RELN: variants seen among roughly 807,000 people sequenced by gnomAD.
RELN encodes the protein reelin.
A neutral mutation model predicts 427.6 loss-of-function variants in RELN; 108 were observed. That is an observed-to-expected ratio of 0.25 (90% confidence interval 0.22 to 0.30). The LOEUF (loss-of-function observed/expected upper bound fraction) is 0.30. RELN is among the 10% of genes least tolerant of loss of function. The pLI is 1.00. For missense variants in RELN, 3,715 were observed against 4,302.8 expected (o/e 0.86, Z 3.82); for synonymous variants, 1,524 against 1,513.4 (o/e 1.01, Z -0.16).
intron 1 of RELN, among the ~76,000 whole-genome samples, chr7:103,956,831 C>T (rs1262141160): frequency 1.3e-5 from 2 of 152,134 alleles, no homozygotes; most frequent in Admixed American, 1.3e-4. Flanking sequence ...TAAAAGAGAA[C>T]TGTCCTGGCA....
chr7:103,877,600 T>C (rs1794509412), intron 2 of RELN, among the ~76,000 whole-genome samples: 1 of 152,144 alleles, frequency 6.6e-6, no homozygotes, highest in African/African-American at 2.4e-5. Context: ...ATTCTCCAGA[T>C]TTTTCTAAAG....
chr7:103,888,032 C>G (rs565800346), intron 2 of RELN, among the ~76,000 whole-genome samples: 1 of 152,120 alleles, frequency 6.6e-6, no homozygotes, highest in African/African-American at 2.4e-5. Flanking sequence ...AGTAACTAGA[C>G]TCAGACTGCC....
chr7:103,486,383 G>A lies in RELN; in HGVS notation c.9797C>T (p.Pro3266Leu). 6.2e-7 allele frequency: 1 copy of A among 1,614,078 alleles called. No homozygotes were observed. The change falls in exon 61 of 65, where the codon CCC becomes CTC. Residue 3266 changes from proline (P) to leucine (L), a missense_variant. Pro to Leu is a moderately conservative substitution (Grantham distance 98). Coordinates refer to ENST00000428762, the MANE Select transcript of RELN (RefSeq NM_005045.4). ...DDCSVFSHDLPSYIKDNFESA... is the reference protein window; with the variant it reads ...DDCSVFSHDLLSYIKDNFESA... ...CTCAAAATTATCTTTAATATAACTG[G>A]GAAGGTCGTGACTGAAAACAGAGCA...
At chr7:103,972,045 C>T (rs1226028073) in intron 1 of RELN, among the ~76,000 whole-genome samples, 1 of 151,930 alleles carries the variant, frequency 6.6e-6, no homozygotes, top group African/African-American at 2.4e-5. Flanking sequence ...TGTACTCCAG[C>T]CTGGGCGACA....
intron 2 of RELN, among the ~76,000 whole-genome samples, chr7:103,862,478 T>G (rs1265283420): frequency 6.6e-6 from 1 of 150,786 alleles, no homozygotes; most frequent in Non-Finnish European, 1.5e-5. Flanking sequence ...TTCTCAATCT[T>G]TCTCCCTCTC....
chr7:103,649,508 A>G (rs1832867826), intron 16 of RELN, among the ~76,000 whole-genome samples: 1 of 152,028 alleles, frequency 6.6e-6, no homozygotes, highest in Non-Finnish European at 1.5e-5. Context: ...CTAAAAGTCC[A>G]GACTTCACCA....
intron 17 of RELN, among the ~76,000 whole-genome samples, chr7:103,639,499 A>G (rs1832654018): frequency 6.7e-6 from 1 of 149,862 alleles, no homozygotes; most frequent in Non-Finnish European, 1.5e-5. Flanking sequence ...TCCCGGGTTC[A>G]GGTGATTCTC....
intron 3 of RELN, among the ~76,000 whole-genome samples, chr7:103,777,280 G>T (rs1391647927): frequency 6.6e-6 from 1 of 152,082 alleles, no homozygotes; most frequent in African/African-American, 2.4e-5. Flanking sequence ...AATAAAAAAA[G>T]TCTTATTAAA....
chr7:103,618,744 G>T (rs974430595), intron 20 of RELN, among the ~76,000 whole-genome samples: 1 of 152,084 alleles, frequency 6.6e-6, no homozygotes, highest in South Asian at 2.1e-4. Flanking sequence ...TCAATTCAGG[G>T]CTAGAATCTT....
At chr7:103,629,417 G>A (rs974558700) in intron 20 of RELN, among the ~76,000 whole-genome samples, 14 of 152,172 alleles carry the variant, frequency 9.2e-5, no homozygotes, top group Non-Finnish European at 1.6e-4. Flanking sequence ...GTCCAATAGT[G>A]TTTGATAACA....
intron 7 of RELN, among the ~76,000 whole-genome samples, chr7:103,726,479 T>C (rs1319384720): frequency 1.3e-5 from 2 of 152,248 alleles, no homozygotes; most frequent in East Asian, 3.9e-4. Flanking sequence ...ACATTAATTA[T>C]AAAACACAAT....
At chr7:103,831,460 A>G (rs1387527015) in intron 3 of RELN, among the ~76,000 whole-genome samples, 2 of 151,022 alleles carry the variant, frequency 1.3e-5, no homozygotes, top group Non-Finnish European at 3.0e-5. Context: ...CTTAATTCAA[A>G]TAAGTATATA....
intron 50 of RELN, 70 bp downstream of exon 50, chr7:103,515,115 T>C: frequency 6.2e-7 from 1 of 1,606,232 alleles, no homozygotes; most frequent in Non-Finnish European, 8.5e-7. Context: ...ATTTTGCTCT[T>C]TTGAAAAGAC....
chr7:103,606,021 TC>T (rs1241879489), intron 22 of RELN, among the ~76,000 whole-genome samples: 1 of 152,186 alleles, frequency 6.6e-6, no homozygotes, highest in Non-Finnish European at 1.5e-5. Context: ...ATATTCACAG[TC>T]CCACTAAGAA....
chr7:103,642,339 A>G (rs1170887861), intron 16 of RELN, among the ~76,000 whole-genome samples: 1 of 141,400 alleles, frequency 7.1e-6, no homozygotes. Flanking sequence ...AATGGGAGAG[A>G]TTTCATAGTG....
intron 7 of RELN, among the ~76,000 whole-genome samples, chr7:103,725,661 C>T (rs1198316208): frequency 6.6e-6 from 1 of 152,074 alleles, no homozygotes; most frequent in East Asian, 1.9e-4. Flanking sequence ...AGCATATTTT[C>T]CTTTAAATGA....
chr7:103,796,806 A>G (rs1267566388), intron 3 of RELN, among the ~76,000 whole-genome samples: 1 of 146,454 alleles, frequency 6.8e-6, no homozygotes, highest in African/African-American at 2.5e-5. Flanking sequence ...GGTTGCAGTG[A>G]GCCAAGATTG....
At chr7:103,523,592 T>C in intron 46 of RELN, 61 bp from the exon 47 acceptor site, 1 of 1,565,502 alleles carries the variant, frequency 6.4e-7, no homozygotes, top group Non-Finnish European at 8.8e-7. Context: ...TGTTCCAGTA[T>C]GTTTGAACAA....
At chr7:103,586,966 T>C (rs1484279225) in intron 28 of RELN, among the ~76,000 whole-genome samples, 1 of 152,174 alleles carries the variant, frequency 6.6e-6, no homozygotes, top group African/African-American at 2.4e-5. Flanking sequence ...CCCAAAGCAA[T>C]CTACAGATGC....
Sources: gnomAD v4.1 joint callset for allele counts (sites outside exome capture counted in the v4.1 genomes callset) on GRCh38, gnomAD v4.1.1 for gene constraint, MANE v1.5 for transcripts, NCBI Gene and HGNC (gene_info 2026-07-23, HGNC 2026-07-21) for gene names.